RAB1A: variants seen among roughly 807,000 people sequenced by gnomAD.
The protein encoded by RAB1A is ras-related protein Rab-1A.
In RAB1A, 2 loss-of-function variants were observed where a neutral mutation model predicts 26.0. That is an observed-to-expected ratio of 0.08 (90% CI 0.03 to 0.24). The LOEUF (loss-of-function observed/expected upper bound fraction) is 0.24. Among genes scored for constraint, RAB1A ranks in the 10% least tolerant of loss-of-function variants. The pLI, the probability that RAB1A is intolerant of heterozygous loss-of-function variation, is 1.00. For missense variants in RAB1A, 100 were observed against 247.0 expected (o/e 0.40, Z 3.99); for synonymous variants, 84 against 84.9 (o/e 0.99, Z 0.06).
Position 65,088,444 on chromosome 2 carries a change from G to A in RAB1A, c.*49C>T, listed in dbSNP as rs1410209424. On this transcript the variant is annotated 3_prime_UTR_variant, in exon 6 of 6. Transcript: ENST00000409784. ...TTCAGGCAATTTTGTTTTTTCACTT[G>A]GGTTCAGATTGCAAATTCATTGCTG... is the stretch of plus-strand genomic sequence containing the variant. The A allele has an allele frequency of 1.3e-6, 2 of 1,499,196 alleles. No homozygotes were observed. The highest frequency in any genetic ancestry group is 2.5e-5 in the South Asian group (2 of 78,612). 92.9% of individuals were successfully genotyped at this position (1,499,196 alleles called of 1,614,324 possible).
chr2:65,111,813 G>A (rs995075953), intron 1 of RAB1A, among the ~76,000 whole-genome samples: 2 of 152,316 alleles, frequency 1.3e-5, no homozygotes, highest in Non-Finnish European at 1.5e-5. Flanking sequence ...GAGGCCAGGC[G>A]AGGCTCAAGC....
Position 65,088,470 on chromosome 2 carries a change from T to C in RAB1A, c.*23A>G. 1 of 1,572,560 alleles carries C rather than the reference T, an allele frequency of 6.4e-7. No homozygotes were observed. Among genetic ancestry groups the C allele is most frequent in the Non-Finnish European group, 8.6e-7 (1 of 1,158,676 alleles). On this transcript the variant is annotated 3_prime_UTR_variant, in exon 6 of 6. Coordinates refer to ENST00000409784, the MANE Select transcript of RAB1A (RefSeq NM_004161.5). ...GGTTCAGATTGCAAATTCATTGCTGTGAGAAAAGGATGGAGGCAAATTTTA... is the reference window on the plus strand; with the variant it reads ...GGTTCAGATTGCAAATTCATTGCTGCGAGAAAAGGATGGAGGCAAATTTTA...
At chr2:65,098,934 C>T (rs1669355423) in intron 2 of RAB1A, among the ~76,000 whole-genome samples, 1 of 150,782 alleles carries the variant, frequency 6.6e-6, no homozygotes, top group African/African-American at 2.4e-5. Context: ...CTCCCGGGGT[C>T]CAAGCAATCC....
At position 65,088,708 on chromosome 2, in the gene RAB1A, CA is replaced by C; in HGVS notation, c.421-19del. 6.4e-7 allele frequency: 1 copy of C among 1,563,690 alleles called. No homozygotes were observed. Among genetic ancestry groups the C allele is most frequent in the African/African-American group, 1.4e-5 (1 of 73,620 alleles). On this transcript the variant is annotated intron_variant, in intron 5 of 5. Coordinates refer to ENST00000409784, the MANE Select transcript of RAB1A (RefSeq NM_004161.5). ...GCAAATTCCTAAGAGAATAATGAGGCACAATTAACACTGAAAAATCTTTTTC... is the reference window on the plus strand; with the variant it reads ...GCAAATTCCTAAGAGAATAATGAGGCCAATTAACACTGAAAAATCTTTTTC...
intron 1 of RAB1A, among the ~76,000 whole-genome samples, chr2:65,107,584 T>C (rs1669590983): frequency 6.6e-6 from 1 of 151,950 alleles, no homozygotes; most frequent in Admixed American, 6.6e-5. Context: ...CCTCCAGGTG[T>C]TCAAGTGATT....
At chr2:65,095,399 GGGTGCAATGGTGC>G (rs1336619849) in intron 3 of RAB1A, among the ~76,000 whole-genome samples, 1 of 152,004 alleles carries the variant, frequency 6.6e-6, no homozygotes, top group African/African-American at 2.4e-5. Context: ...CCCAAAGCTG[GGGTGCAATGGTGC>G]AATCTTGCCT....
chr2:65,101,742 CTTTTT>C (rs71401771), intron 2 of RAB1A, among the ~76,000 whole-genome samples: 4 of 70,662 alleles, frequency 5.7e-5, no homozygotes, highest in South Asian at 5.5e-4. Flanking sequence ...GTATTACTTC[CTTTTT>C]TTTTTTTTTT....
At chr2:65,100,216 A>G (rs1422444085) in intron 2 of RAB1A, among the ~76,000 whole-genome samples, 1 of 151,734 alleles carries the variant, frequency 6.6e-6, no homozygotes, top group African/African-American at 2.4e-5. Context: ...CCTGGCCAAG[A>G]TGGTGAAACC....
chr2:65,127,127 G>T (rs1356132901), intron 1 of RAB1A, among the ~76,000 whole-genome samples: 2 of 152,220 alleles, frequency 1.3e-5, no homozygotes, highest in Admixed American at 6.5e-5. Flanking sequence ...TATAAAAACT[G>T]TTTCTGGGTT....
At chr2:65,129,761 A>C in intron 1 of RAB1A, 132 bp downstream of exon 1, 14 of 1,356,082 alleles carry the variant, frequency 1.0e-5, no homozygotes, top group East Asian at 5.4e-5. Context: ...CCCGGCCGCC[A>C]GCCTCTCCTG....
chr2:65,108,497 T>C (rs149820163), intron 1 of RAB1A, among the ~76,000 whole-genome samples: 205 of 152,254 alleles, frequency 1.3e-3, no homozygotes, highest in Middle Eastern at 0.01. Flanking sequence ...TTTACAAATA[T>C]AACACTCTTA....
chr2:65,127,966 C>T (rs1670141243), intron 1 of RAB1A, among the ~76,000 whole-genome samples: 1 of 152,092 alleles, frequency 6.6e-6, no homozygotes, highest in Non-Finnish European at 1.5e-5. Flanking sequence ...GATCTCCTGA[C>T]CTCGGGATCC....
chr2:65,098,164 A>G, intron 2 of RAB1A, 98 bp from the exon 3 acceptor site: 1 of 662,330 alleles, frequency 1.5e-6, no homozygotes, highest in Non-Finnish European at 2.4e-6. Flanking sequence ...AGTAAATAAA[A>G]AAAAAGTTTA....
chr2:65,100,325 C>T (rs544494288), intron 2 of RAB1A, among the ~76,000 whole-genome samples: 5 of 143,648 alleles, frequency 3.5e-5, no homozygotes, highest in Admixed American at 7.3e-5. Context: ...CACTTGAACC[C>T]GGGAGGTGAA....
intron 1 of RAB1A, among the ~76,000 whole-genome samples, chr2:65,122,864 G>A (rs569809504): frequency 1.5e-4 from 23 of 151,120 alleles, no homozygotes; most frequent in African/African-American, 5.3e-4. Context: ...CCAGCTAATC[G>A]GGAGGCTGAG....
chr2:65,107,635 A>C (rs1313312134), intron 1 of RAB1A, among the ~76,000 whole-genome samples: 1 of 151,976 alleles, frequency 6.6e-6, no homozygotes, highest in Non-Finnish European at 1.5e-5. Context: ...CTTAGTAGGG[A>C]GGTTTTTAAA....
At position 65,105,624 on chromosome 2, in the gene RAB1A, G is replaced by T. The variant is rs77186494; in HGVS notation, c.24-818C>A. Among the ~76,000 whole-genome samples the T allele has an allele frequency of 1.6e-3, 239 of 150,116 alleles. 1 individual carries two copies. Among genetic ancestry groups the T allele is most frequent in the African/African-American group, 5.8e-3 (237 of 40,818 alleles). Reference sequence around the variant, plus strand: ...TCTAGCATCCAGCTTGAATTCTCCCGTCAAAACAATGTTCATATAACTTCT... The same window carrying T: ...TCTAGCATCCAGCTTGAATTCTCCCTTCAAAACAATGTTCATATAACTTCT... On this transcript the variant is annotated intron_variant, in intron 1 of 5. Coordinates refer to ENST00000409784, the MANE Select transcript of RAB1A (RefSeq NM_004161.5).
chr2:65,093,699 T>G (rs1669221904), intron 3 of RAB1A, among the ~76,000 whole-genome samples: 1 of 150,186 alleles, frequency 6.7e-6, no homozygotes, highest in Admixed American at 6.7e-5. Context: ...CTTGGCTCAC[T>G]GCAATCTCCG....
At chr2:65,094,360 G>C (rs1047112571) in intron 3 of RAB1A, among the ~76,000 whole-genome samples, 1 of 152,132 alleles carries the variant, frequency 6.6e-6, no homozygotes, top group African/African-American at 2.4e-5. Context: ...CAAGGCAGGC[G>C]GATCACCTGA....
Sources: allele counts gnomAD v4.1 joint callset (sites outside exome capture counted in the v4.1 genomes callset), GRCh38; gene constraint gnomAD v4.1.1; transcripts MANE v1.5; gene names NCBI Gene and HGNC (gene_info 2026-07-23, HGNC 2026-07-21).